ADGRL3: variants seen among roughly 807,000 people sequenced by gnomAD.
The protein encoded by ADGRL3 is adhesion G protein-coupled receptor L3, also known as calcium-independent alpha-latrotoxin receptor 3.
In ADGRL3, 62 loss-of-function variants were observed where a neutral mutation model predicts 153.5. The ratio of observed to expected loss-of-function variants is 0.40; its 90% confidence interval spans 0.33 to 0.50. The LOEUF (loss-of-function observed/expected upper bound fraction) is 0.50. ADGRL3 is among the 20% of genes least tolerant of loss of function. ADGRL3 has a pLI of 0.47. For synonymous variants in ADGRL3, 710 were observed against 672.5 expected (o/e 1.06, Z -0.86); for missense variants, 1,641 against 1,859.4 (o/e 0.88, Z 2.16).
rs1434016621 is a variant in ADGRL3, at chr4:62,076,450, A to G, written c.*5542A>G. 6.6e-6 allele frequency: 1 copy of G among 152,098 alleles called. No individual in the cohort carries two copies. Among genetic ancestry groups the G allele is most frequent in the Non-Finnish European group, 1.5e-5 (1 of 67,944 alleles). The allele number at this position is 152,098 out of a possible 1,614,324, so 9.4% of individuals were successfully genotyped here. A position where few individuals can be genotyped will look rare whatever the true frequency, so the allele number is the denominator to read the frequency against. ...ATAAACAAGTCTCTTCAACCACAAT[A>G]TGAACAACGGAAGAGCAGAAACCAA... On this transcript the variant is annotated 3_prime_UTR_variant, in exon 27 of 27. Transcript: ENST00000683033.
At chr4:61,827,199 G>A (rs953600631) in intron 9 of ADGRL3, among the ~76,000 whole-genome samples, 4 of 152,164 alleles carry the variant, frequency 2.6e-5, no homozygotes, top group Admixed American at 6.6e-5. Flanking sequence ...AACTGCTAAC[G>A]GATAACCAAT....
intron 8 of ADGRL3, among the ~76,000 whole-genome samples, chr4:61,746,286 TAGAC>T (rs759524166): frequency 4.0e-5 from 6 of 151,042 alleles, no homozygotes; most frequent in African/African-American, 7.3e-5. Context: ...CTGTCAATAT[TAGAC>T]AGATCAACAA....
intron 21 of ADGRL3, among the ~76,000 whole-genome samples, chr4:62,027,153 A>G (rs1159962323): frequency 6.6e-6 from 1 of 152,090 alleles, no homozygotes; most frequent in Non-Finnish European, 1.5e-5. Flanking sequence ...ATTATGTTTT[A>G]TAAATTTTTG....
chr4:61,385,533 T>G (rs1223780907), intron 2 of ADGRL3: 3 of 152,210 alleles, frequency 2.0e-5, no homozygotes, highest in Non-Finnish European at 2.9e-5. Context: ...TTTCACAGCT[T>G]CTCTGAAGGT....
rs186474605 is a variant in ADGRL3 at position 61,436,985 on chromosome 4, A to G, written c.-174+53796A>G. 3.5e-3 allele frequency among the ~76,000 whole-genome samples: 538 copies of G among 152,300 alleles called. 3 individuals carry two copies. The highest frequency in any genetic ancestry group is 6.8e-3 in the Middle Eastern group (2 of 294). ...AAATTGCCTGAAAATTTCAGGAACT[A>G]TGAACATAATAGCCCTTACCAACTT... On this transcript the variant is annotated intron_variant, in intron 2 of 26. Coordinates refer to ENST00000683033, the MANE Select transcript of ADGRL3 (RefSeq NM_001387552.1).
At chr4:61,450,184 T>G (rs957256424) in intron 2 of ADGRL3, among the ~76,000 whole-genome samples, 2 of 152,184 alleles carry the variant, frequency 1.3e-5, no homozygotes, top group African/African-American at 2.4e-5. Context: ...AAAGTAATTT[T>G]AGAAAATTAT....
intron 2 of ADGRL3, among the ~76,000 whole-genome samples, chr4:61,493,620 G>A (rs2098280583): frequency 6.6e-6 from 1 of 152,120 alleles, no homozygotes; most frequent in Admixed American, 6.5e-5. Flanking sequence ...AATTAGGGTG[G>A]TGTCCTGAAA....
intron 1 of ADGRL3, among the ~76,000 whole-genome samples, chr4:61,266,246 G>A (rs891161798): frequency 2.0e-5 from 3 of 151,328 alleles, no homozygotes; most frequent in Non-Finnish European, 3.0e-5. Context: ...CACTGGCCTT[G>A]GTTCTCCATT....
At chr4:62,010,832 G>C (rs2099182690) in intron 21 of ADGRL3, among the ~76,000 whole-genome samples, 1 of 151,772 alleles carries the variant, frequency 6.6e-6, no homozygotes, top group East Asian at 1.9e-4. Flanking sequence ...TATGATTCAG[G>C]GATAAAATTT....
chr4:61,372,158 C>A (rs923300792), intron 1 of ADGRL3, among the ~76,000 whole-genome samples: 3 of 151,982 alleles, frequency 2.0e-5, no homozygotes, highest in Non-Finnish European at 4.4e-5. Context: ...TTTTCAACTT[C>A]TTTTCCTTTG....
chr4:61,855,399 T>C (rs1455168794), intron 9 of ADGRL3, among the ~76,000 whole-genome samples: 2 of 152,142 alleles, frequency 1.3e-5, no homozygotes, highest in African/African-American at 4.8e-5. Flanking sequence ...CTGGAAGCAG[T>C]CAAAGCTAGA....
intron 1 of ADGRL3, among the ~76,000 whole-genome samples, chr4:61,259,027 G>A (rs2092271378): frequency 6.6e-6 from 1 of 151,970 alleles, no homozygotes; most frequent in Non-Finnish European, 1.5e-5. Flanking sequence ...ATCACTCCAG[G>A]CACACTTCCT....
intron 19 of ADGRL3, among the ~76,000 whole-genome samples, chr4:61,992,960 A>G (rs2099108513): frequency 6.6e-6 from 1 of 152,186 alleles, no homozygotes; most frequent in Non-Finnish European, 1.5e-5. Context: ...ATTTGTTTAG[A>G]TTCCTTAACT....
At chr4:61,669,770 CAAG>C (rs1364776234) in intron 5 of ADGRL3, among the ~76,000 whole-genome samples, 1 of 152,114 alleles carries the variant, frequency 6.6e-6, no homozygotes. Context: ...CAAAAAGGCA[CAAG>C]GCACTCTTTT....
At chr4:61,885,383 A>AT (rs1246781620) in intron 9 of ADGRL3, among the ~76,000 whole-genome samples, 2 of 152,168 alleles carry the variant, frequency 1.3e-5, no homozygotes, top group East Asian at 3.9e-4. Flanking sequence ...AACAGTGCCC[A>AT]TGTTGTTCCA....
In ADGRL3 at chr4:61,422,852, A is replaced by G. The variant is rs572593841; in HGVS notation, c.-174+39663A>G. ...ATATTCTTAGAAATATGTATGATTA[A>G]GAATATGTATGTGTACATATAAATG... On this transcript the variant is annotated intron_variant, in intron 2 of 26. Coordinates refer to ENST00000683033, the MANE Select transcript of ADGRL3 (RefSeq NM_001387552.1). 3.9e-5 allele frequency among the ~76,000 whole-genome samples: 6 copies of G among 151,996 alleles called. 1 individual carries two copies. The South Asian group carries it at 1.2e-3, about 31-fold the overall frequency.
chr4:61,283,345 C>A (rs1170849490), intron 1 of ADGRL3, among the ~76,000 whole-genome samples: 1 of 152,092 alleles, frequency 6.6e-6, no homozygotes, highest in Non-Finnish European at 1.5e-5. Context: ...TTAGCACCCA[C>A]AAAAATTGAT....
At chr4:61,998,580 T>A (rs945100298) in intron 21 of ADGRL3, among the ~76,000 whole-genome samples, 16 of 151,962 alleles carry the variant, frequency 1.1e-4, no homozygotes, top group Non-Finnish European at 2.1e-4. Flanking sequence ...TTTTTTTTTT[T>A]TTATTTAATT....
intron 8 of ADGRL3, among the ~76,000 whole-genome samples, chr4:61,754,098 G>A (rs546672074): frequency 3.7e-4 from 57 of 152,258 alleles, no homozygotes; most frequent in African/African-American, 1.4e-3. Context: ...GTTTCGAAGG[G>A]TCTTTGTAAT....
Sources: allele counts gnomAD v4.1 joint callset (sites outside exome capture counted in the v4.1 genomes callset), GRCh38; gene constraint gnomAD v4.1.1; transcripts MANE v1.5; gene names NCBI Gene and HGNC (gene_info 2026-07-23, HGNC 2026-07-21).